The following FGFR3 variants were observed in gnomAD, a reference collection of about 807,000 sequenced individuals.
FGFR3 encodes fibroblast growth factor receptor 3.
In FGFR3, 25 loss-of-function variants were observed where a neutral mutation model predicts 82.9. The ratio of observed to expected loss-of-function variants is 0.30; its 90% CI spans 0.22 to 0.42. FGFR3 has a LOEUF of 0.42. Ranked by LOEUF, FGFR3 falls within the 10% of genes least tolerant of loss-of-function variation. FGFR3 has a pLI of 1.00. For missense variants in FGFR3, 1,026 were observed against 1,161.0 expected, an observed-to-expected ratio of 0.88 and a Z score of 1.69; for synonymous variants, 620 against 516.0, an observed-to-expected ratio of 1.20 and a Z score of -2.73.
At chr4:1,795,501 T>G (rs1560390621) in intron 2 of FGFR3, among the ~76,000 whole-genome samples, 1 of 150,796 alleles carries the variant, frequency 6.6e-6, no homozygotes, top group Non-Finnish European at 1.5e-5. Flanking sequence ...TCAATAAACT[T>G]AATCCGGTTC....
chr4:1,805,562 A>G lies in FGFR3; in HGVS notation c.1538A>G (p.Asp513Gly), dbSNP rs749863914. ...VTVAVKMLKD[D>G]ATDKDLSDLV... ...AGGCCCCCCGCTCCGTGCACAGACGATGCCACTGACAAGGACCTGTCGGAC... is the reference window on the plus strand; with the variant it reads ...AGGCCCCCCGCTCCGTGCACAGACGGTGCCACTGACAAGGACCTGTCGGAC... Residue 513 changes from aspartate (D) to glycine (G), a missense_variant, in exon 12 of 18, where the codon GAT (aspartate) becomes GGT (glycine). Asp to Gly is a moderately conservative substitution (Grantham distance 94, BLOSUM62 -1). Transcript: ENST00000440486. The G allele has an allele frequency of 3.1e-6, 5 of 1,613,132 alleles. No individual in the cohort carries two copies.
At chr4:1,804,142 T>C (rs779511657) in intron 8 of FGFR3, among the ~76,000 whole-genome samples, 188 bp from the exon 9 acceptor site, 1 of 152,142 alleles carries the variant, frequency 6.6e-6, no homozygotes, top group East Asian at 1.9e-4. Context: ...CTGGGCTCCT[T>C]CTCTCCAGGG....
chr4:1,801,572 G>C (rs772417748), intron 5 of FGFR3, 36 bp downstream of exon 5: 1 of 1,579,718 alleles, frequency 6.3e-7, no homozygotes, highest in Non-Finnish European at 8.6e-7. Context: ...CCTGGCAGGC[G>C]CGGTGGTTGC....
At chr4:1,796,188 C>T (rs919699611) in intron 2 of FGFR3, among the ~76,000 whole-genome samples, 2 of 152,156 alleles carry the variant, frequency 1.3e-5, no homozygotes, top group African/African-American at 2.4e-5. Context: ...TCAGCCTGGA[C>T]CTCTAGGCTG....
At position 1,798,358 on chromosome 4, in the gene FGFR3, C is replaced by T. The variant is rs993659507; in HGVS notation, c.110-896C>T. Among the ~76,000 whole-genome samples the T allele has an allele frequency of 5.9e-5, 9 of 152,246 alleles. 1 individual carries two copies. Among genetic ancestry groups the T allele is most frequent in the East Asian group, 3.9e-4 (2 of 5,164 alleles). On this transcript the variant is annotated intron_variant, in intron 2 of 17. Transcript: ENST00000440486. ...CTGCAGGCAGCAGGACTCCACCCCC[C>T]GGCCCCCTTGAGGGCCCGCCTGGGC...
At chr4:1,799,700 C>T (rs765500761) in intron 3 of FGFR3, 47 bp from the exon 4 acceptor site, 16 of 1,608,488 alleles carry the variant, frequency 9.9e-6, no homozygotes, top group Admixed American at 6.8e-5. Context: ...ACCTGGGGGC[C>T]TCCTGGGGCA....
intron 4 of FGFR3, 40 bp downstream of exon 4, chr4:1,799,852 G>A (rs1159261560): frequency 2.5e-6 from 4 of 1,603,758 alleles, no homozygotes; most frequent in African/African-American, 2.7e-5. Flanking sequence ...CCGGGGTGGG[G>A]CCCGCTGCCA....
chr4:1,794,077 G>A (rs779972497), intron 2 of FGFR3, 34 bp downstream of exon 2: 3 of 1,239,812 alleles, frequency 2.4e-6, no homozygotes, highest in Admixed American at 3.4e-5. Flanking sequence ...GGGAGAGGCC[G>A]GCCCGTGCGG....
intron 2 of FGFR3, among the ~76,000 whole-genome samples, chr4:1,798,921 G>T (rs909427915): frequency 3.3e-5 from 5 of 152,204 alleles, no homozygotes; most frequent in African/African-American, 1.2e-4. Flanking sequence ...AAAGAACGAA[G>T]AGTCACATTT....
rs570690371 is a variant in FGFR3 at position 1,808,596 on chromosome 4, C to T, written c.*1334C>T. ...CAAGATGTATTTGTTGTAGACTTAA[C>T]ACTTCTTACGCAATGCTTCTAGAGT... is the stretch of plus-strand genomic sequence containing the variant. On this transcript the variant is annotated 3_prime_UTR_variant, in exon 18 of 18. Coordinates refer to ENST00000440486, the MANE Select transcript of FGFR3 (RefSeq NM_000142.5). 2 of 231,172 alleles carry T rather than the reference C, an allele frequency of 8.7e-6. No homozygotes were observed. Among genetic ancestry groups the T allele is most frequent in the East Asian group, 6.1e-5 (1 of 16,326 alleles). 14.3% of individuals were successfully genotyped at this position (231,172 alleles called of 1,614,324 possible).
At chr4:1,794,145 G>A in intron 2 of FGFR3, 102 bp downstream of exon 2, 1 of 560,052 alleles carries the variant, frequency 1.8e-6, no homozygotes, top group Non-Finnish European at 2.7e-6. Flanking sequence ...GGGTGTGAGT[G>A]ACGCCCCGGG....
At chr4:1,804,232 C>G (rs1430500959) in intron 8 of FGFR3, 98 bp from the exon 9 acceptor site, 2 of 1,387,814 alleles carry the variant, frequency 1.4e-6, no homozygotes, top group African/African-American at 1.4e-5. Flanking sequence ...GAGCCCCCTT[C>G]CGCTCCCAGT....
At position 1,793,443 on chromosome 4, in the gene FGFR3, A is replaced by C. The variant is rs1720064709; in HGVS notation, c.-125A>C. On this transcript the variant is annotated 5_prime_UTR_variant, in exon 1 of 18. Transcript: ENST00000440486. ...GCCGGAGCGGGAGCCGCGCGTAGCG[A>C]GCCGGGCTCCGGCGCTCGCCAGGTC... 1 of 148,902 alleles carries C rather than the reference A, an allele frequency of 6.7e-6. No individual in the cohort carries two copies. Among genetic ancestry groups the C allele is most frequent in the Non-Finnish European group, 1.5e-5 (1 of 66,720 alleles). 9.2% of individuals were successfully genotyped at this position (148,902 alleles called of 1,614,324 possible). A position where few individuals can be genotyped will look rare whatever the true frequency, so the allele number is the denominator to read the frequency against.
At chr4:1,802,721 T>C (rs915732849) in intron 7 of FGFR3, among the ~76,000 whole-genome samples, 3 of 152,092 alleles carry the variant, frequency 2.0e-5, no homozygotes, top group African/African-American at 2.4e-5. Flanking sequence ...GGCTGGGTTG[T>C]TGGGGTGGAG....
intron 7 of FGFR3, 95 bp downstream of exon 7, chr4:1,802,120 T>C (rs1721271138): frequency 1.4e-6 from 2 of 1,387,178 alleles, no homozygotes; most frequent in African/African-American, 2.9e-5. Flanking sequence ...GATTTGGGTC[T>C]AGGGGTTGGA....
chr4:1,797,758 G>GCCC (rs1720688388), intron 2 of FGFR3, among the ~76,000 whole-genome samples: 3 of 152,186 alleles, frequency 2.0e-5, no homozygotes, highest in Non-Finnish European at 4.4e-5. Context: ...TGAGCTGTGG[G>GCCC]TCCCGGTGGG....
In FGFR3 at chr4:1,806,937, G is replaced by GGACCTGTCGGCGCCTTTCGAGC. The variant is rs2108815238; in HGVS notation, c.2274+3_2274+4insGACCTGTCGGCGCCTTTCGAGC. 6.3e-7 allele frequency: 1 copy of GGACCTGTCGGCGCCTTTCGAGC among 1,599,296 alleles called. No homozygotes were observed. The highest frequency in any genetic ancestry group is 8.5e-7 in the Non-Finnish European group (1 of 1,173,242). On this transcript the variant is annotated splice_donor_region_variant and intron_variant, in intron 17 of 17. Transcript: ENST00000440486. ...TCCTTACCGTGACGTCCACCGACGT[G>GGACCTGTCGGCGCCTTTCGAGC]AGTGCTGGCTCTGGCCTGGTGCCAC...
chr4:1,795,638 A>G (rs1720417508), intron 2 of FGFR3, among the ~76,000 whole-genome samples: 1 of 152,184 alleles, frequency 6.6e-6, no homozygotes, highest in Admixed American at 6.5e-5. Context: ...GCGGTGGGAA[A>G]GGTTTTGGCC....
intron 2 of FGFR3, among the ~76,000 whole-genome samples, chr4:1,798,600 C>A (rs181942701): frequency 7.2e-5 from 11 of 152,030 alleles, no homozygotes; most frequent in Non-Finnish European, 1.5e-4. Context: ...CGCGCATCGC[C>A]CCCCAGACCG....
Sources: allele counts gnomAD v4.1 joint callset (sites outside exome capture counted in the v4.1 genomes callset), GRCh38; gene constraint gnomAD v4.1.1; transcripts MANE v1.5; gene names NCBI Gene and HGNC (gene_info 2026-07-23, HGNC 2026-07-21).